STX7: variants seen among roughly 807,000 people sequenced by gnomAD.
The protein encoded by STX7 is syntaxin 7.
A neutral mutation model predicts 39.6 loss-of-function variants in STX7; 34 were observed. The observed-to-expected ratio is 0.86, with a 90% CI of 0.65 to 1.14. The LOEUF is 1.14. STX7 is among the 50% of genes most tolerant of loss of function. The pLI is 0.00. For synonymous variants in STX7, 119 were observed against 99.1 expected, an observed-to-expected ratio of 1.20 and a Z score of -1.19; for missense variants, 284 against 310.4, an observed-to-expected ratio of 0.92 and a Z score of 0.64.
intron 2 of STX7, among the ~76,000 whole-genome samples, chr6:132,502,304 A>G (rs1328227388): frequency 6.6e-6 from 1 of 152,234 alleles, no homozygotes; most frequent in Non-Finnish European, 1.5e-5. Context: ...ATTCTGTTAA[A>G]AAGAATAGCC....
At chr6:132,486,346 C>T (rs538287922) in intron 2 of STX7, among the ~76,000 whole-genome samples, 2 of 152,264 alleles carry the variant, frequency 1.3e-5, no homozygotes, top group African/African-American at 4.8e-5. Flanking sequence ...TGTAAGTTTT[C>T]ATAGATGATC....
In STX7 at chr6:132,452,364, C is replaced by T. The variant is rs1239942906; in HGVS notation, c.*8394G>A. 6.6e-6 allele frequency: 1 copy of T among 151,532 alleles called. No individual in the cohort carries two copies. Among genetic ancestry groups the T allele is most frequent in the Admixed American group, 6.6e-5 (1 of 15,180 alleles). The allele number at this position is 151,532 out of a possible 1,614,324, so 9.4% of individuals were successfully genotyped here. On this transcript the variant is annotated 3_prime_UTR_variant, in exon 10 of 10. Transcript: ENST00000367941. ...TCTACTCTCACTGCTTTTATTTCTG[C>T]TGGAATTTCTACCCACTGCATTAAG...
At chr6:132,491,673 C>T (rs1775293078) in intron 2 of STX7, among the ~76,000 whole-genome samples, 1 of 152,156 alleles carries the variant, frequency 6.6e-6, no homozygotes. Flanking sequence ...TGAAATGATT[C>T]TGTCCTCCAC....
intron 2 of STX7, among the ~76,000 whole-genome samples, chr6:132,502,949 T>C (rs987003205): frequency 1.3e-5 from 2 of 152,100 alleles, no homozygotes; most frequent in African/African-American, 4.8e-5. Flanking sequence ...CTAAAATACC[T>C]TCCTCAATAG....
chr6:132,462,472 C>A lies in STX7; in HGVS notation c.693+1521G>T, dbSNP rs534622940. Among the ~76,000 whole-genome samples, 6 of 152,118 alleles carry A rather than the reference C, an allele frequency of 3.9e-5. No homozygotes were observed. The East Asian group carries it at 1.2e-3, about 29-fold the overall frequency. The stretch of plus-strand genomic sequence containing the variant: ...ACTTGGCAGAATATCCACATTTCCC[C>A]CAAATCCAAAAGCAAAATAAAATAC... On this transcript the variant is annotated intron_variant, in intron 9 of 9. Coordinates refer to ENST00000367941, the MANE Select transcript of STX7 (RefSeq NM_003569.3).
chr6:132,506,045 G>A (rs566658234), intron 1 of STX7, among the ~76,000 whole-genome samples: 6 of 151,670 alleles, frequency 4.0e-5, no homozygotes, highest in African/African-American at 9.7e-5. Context: ...CGCCCCATGC[G>A]GAAGAGTGAA....
At chr6:132,469,914 C>A (rs960299476) in intron 7 of STX7, 37 bp downstream of exon 7, 13 of 1,525,210 alleles carry the variant, frequency 8.5e-6, no homozygotes, top group Admixed American at 1.9e-5. Flanking sequence ...CTCACTAAGA[C>A]CAGAGCAGCA....
chr6:132,457,276 C>A lies in STX7; in HGVS notation c.*3482G>T, dbSNP rs1774265872. On this transcript the variant is annotated 3_prime_UTR_variant, in exon 10 of 10. Transcript: ENST00000367941. ...AAATTCACATTAAAGAAGTTTCCTA[C>A]CTATCTTGTGACCTCAGTGAATGAG... The A allele has an allele frequency of 6.6e-6, 1 of 152,214 alleles. No individual in the cohort carries two copies. Among genetic ancestry groups the A allele is most frequent in the Non-Finnish European group, 1.5e-5 (1 of 68,036 alleles). The allele number at this position is 152,214 out of a possible 1,614,324, so 9.4% of individuals were successfully genotyped here.
chr6:132,449,654 T>C lies in STX7; in HGVS notation c.*11104A>G, dbSNP rs1189338109. ...ACAATTCCTTTAGTTGTGGTGAATC[T>C]GCTCTTAAACCATTCATTATGTTAT... On this transcript the variant is annotated 3_prime_UTR_variant, in exon 10 of 10. Transcript: ENST00000367941. 6.6e-6 allele frequency: 1 copy of C among 152,230 alleles called. No homozygotes were observed. The highest frequency in any genetic ancestry group is 1.5e-5 in the Non-Finnish European group (1 of 68,036). 9.4% of individuals were successfully genotyped at this position (152,230 alleles called of 1,614,324 possible). A position where few individuals can be genotyped will look rare whatever the true frequency, so the allele number is the denominator to read the frequency against.
At chr6:132,502,109 G>C (rs753443664) in intron 2 of STX7, among the ~76,000 whole-genome samples, 7 of 152,054 alleles carry the variant, frequency 4.6e-5, no homozygotes, top group Non-Finnish European at 1.0e-4. Flanking sequence ...TCAGAATAAG[G>C]GTTATTTTAT....
intron 2 of STX7, among the ~76,000 whole-genome samples, chr6:132,501,491 A>G (rs1330517144): frequency 6.6e-6 from 1 of 152,182 alleles, no homozygotes; most frequent in Middle Eastern, 3.2e-3. Context: ...CTCTGGCCCA[A>G]TCTGTCACTT....
chr6:132,505,759 AAAAAAC>A lies in STX7; in HGVS notation c.-58-2177_-58-2172del, dbSNP rs1206383693. On this transcript the variant is annotated intron_variant, in intron 1 of 9. Coordinates refer to ENST00000367941, the MANE Select transcript of STX7 (RefSeq NM_003569.3). ...TCACTTAAAAAAAAAAAAAAAAAAA[AAAAAAC>A]ACAGGTTTTGAATAGCCAAAGCAAT... is the stretch of plus-strand genomic sequence containing the variant. Among the ~76,000 whole-genome samples, 1,156 of 150,314 alleles carry A rather than the reference AAAAAAC, an allele frequency of 7.7e-3. 14 individuals carry two copies. The highest frequency in any genetic ancestry group is 0.026 in the African/African-American group (1,054 of 40,642).
intron 2 of STX7, among the ~76,000 whole-genome samples, chr6:132,476,265 G>T (rs1774871340): frequency 6.6e-6 from 1 of 151,998 alleles, no homozygotes; most frequent in Admixed American, 6.6e-5. Flanking sequence ...AGTGAGAATG[G>T]AAAAAACTGA....
intron 2 of STX7, among the ~76,000 whole-genome samples, chr6:132,488,154 T>G (rs74976259): frequency 0.017 from 2,608 of 152,326 alleles, 62 homozygotes; most frequent in African/African-American, 0.059. Context: ...ATAGCTTATT[T>G]GAAATGTGTT....
chr6:132,476,806 T>G (rs897498896), intron 2 of STX7, among the ~76,000 whole-genome samples: 1 of 152,030 alleles, frequency 6.6e-6, no homozygotes, highest in Non-Finnish European at 1.5e-5. Context: ...TAAAAAAGGC[T>G]CTACACAAAA....
chr6:132,512,892 A>T (rs933506817), intron 1 of STX7, 115 bp downstream of exon 1: 1 of 152,122 alleles, frequency 6.6e-6, no homozygotes, highest in African/African-American at 2.4e-5. Context: ...CCTGCTGCAG[A>T]GCGCAGGGCG....
rs564228381 is a variant in STX7 at position 132,446,686 on chromosome 6, T to C, written c.*14072A>G. ...TATCTTCCATCACAGTATTAAAATG[T>C]TTTTTATGAACATGAGCATCTGGCT... On this transcript the variant is annotated 3_prime_UTR_variant, in exon 10 of 10. Transcript: ENST00000367941. 6.6e-6 allele frequency: 1 copy of C among 152,144 alleles called. No individual in the cohort carries two copies. The highest frequency in any genetic ancestry group is 2.4e-5 in the African/African-American group (1 of 41,446). The allele number at this position is 152,144 out of a possible 1,614,324, so 9.4% of individuals were successfully genotyped here. A position where few individuals can be genotyped will look rare whatever the true frequency, so the allele number is the denominator to read the frequency against.
chr6:132,501,390 CTG>C (rs1452703288), intron 2 of STX7, among the ~76,000 whole-genome samples: 2 of 152,160 alleles, frequency 1.3e-5, no homozygotes, highest in African/African-American at 4.8e-5. Context: ...TTCACATAGA[CTG>C]TGGAGTATCA....
At chr6:132,480,908 T>TAG (rs1332137991) in intron 2 of STX7, among the ~76,000 whole-genome samples, 7 of 152,244 alleles carry the variant, frequency 4.6e-5, no homozygotes, top group African/African-American at 1.7e-4. Context: ...ACTGTTCGTC[T>TAG]CCTTCCCTAT....
Sources: gnomAD v4.1 joint callset for allele counts (sites outside exome capture counted in the v4.1 genomes callset) on GRCh38, gnomAD v4.1.1 for gene constraint, MANE v1.5 for transcripts, NCBI Gene and HGNC (gene_info 2026-07-23, HGNC 2026-07-21) for gene names.